Variants in CDON observed in about 807,000 individuals in gnomAD.
CDON encodes cell adhesion associated, oncogene regulated, also known as cell adhesion molecule-related/down-regulated by oncogenes.
Under a neutral mutation model 120.9 loss-of-function variants are expected in CDON, and 73 were observed. The observed-to-expected ratio is 0.60, with a 90% CI of 0.50 to 0.73. The LOEUF (loss-of-function observed/expected upper bound fraction) is 0.73. CDON is among the 30% of genes least tolerant of loss of function. The probability of loss-of-function intolerance (pLI) is 0.00; values close to 1 mark genes in which losing one functional copy is unlikely to be tolerated. For missense variants in CDON, 1,470 were observed against 1,587.3 expected, an observed-to-expected ratio of 0.93 and a Z score of 1.26; for synonymous variants, 566 against 573.5, an observed-to-expected ratio of 0.99 and a Z score of 0.19.
At chr11:125,976,461 A>G (rs1946150871) in intron 18 of CDON, among the ~76,000 whole-genome samples, 2 of 152,228 alleles carry the variant, frequency 1.3e-5, no homozygotes, top group Admixed American at 1.3e-4. Context: ...AAATTCCCAG[A>G]TAACAGTAAA....
intron 18 of CDON, among the ~76,000 whole-genome samples, chr11:125,971,195 A>G (rs1321226664): frequency 6.6e-6 from 1 of 152,126 alleles, no homozygotes; most frequent in African/African-American, 2.4e-5. Flanking sequence ...CATCCTGGCT[A>G]ACACAGTGAA....
chr11:125,995,097 T>C (rs747384405), intron 12 of CDON, 45 bp from the exon 13 acceptor site: 12 of 1,528,200 alleles, frequency 7.9e-6, no homozygotes, highest in African/African-American at 1.4e-5. Flanking sequence ...AACAAAAACA[T>C]AACTAAGAAA....
chr11:126,019,575 C>G (rs556114549), intron 4 of CDON, 44 bp downstream of exon 4: 1 of 1,608,160 alleles, frequency 6.2e-7, no homozygotes, highest in East Asian at 2.2e-5. Flanking sequence ...ATTTAATGAG[C>G]ATTTGTTCTG....
At chr11:125,967,585 T>C (rs1009698467) in intron 18 of CDON, among the ~76,000 whole-genome samples, 2 of 152,178 alleles carry the variant, frequency 1.3e-5, no homozygotes, top group African/African-American at 4.8e-5. Context: ...TAAAATACAC[T>C]AAGTGATCTT....
intron 9 of CDON, chr11:126,004,538 C>G (rs1246665425): frequency 1.8e-5 from 3 of 168,924 alleles, no homozygotes; most frequent in African/African-American, 7.2e-5. Context: ...TTCCAGCATT[C>G]TTGCTTCATG....
chr11:126,062,375 C>T (rs1159944741), intron 1 of CDON, among the ~76,000 whole-genome samples: 1 of 152,138 alleles, frequency 6.6e-6, no homozygotes, highest in African/African-American at 2.4e-5. Flanking sequence ...CTCCGAGCCC[C>T]CGAGGACGCG....
intron 18 of CDON, among the ~76,000 whole-genome samples, chr11:125,976,632 C>T (rs1946159131): frequency 7.0e-6 from 1 of 142,758 alleles, no homozygotes; most frequent in Admixed American, 7.1e-5. Flanking sequence ...CACACACACA[C>T]ACACACTACA....
At chr11:125,977,091 G>GCA (rs531703566) in intron 18 of CDON, among the ~76,000 whole-genome samples, 124 of 152,300 alleles carry the variant, frequency 8.1e-4, no homozygotes, top group Non-Finnish European at 1.1e-3. Flanking sequence ...CAGGTCTTTA[G>GCA]CACGTTGCCT....
At position 126,015,369 on chromosome 11, in the gene CDON, C is replaced by T. The variant is rs748937290; in HGVS notation, c.1070G>A (p.Arg357Gln). ...CAGTCCGTTTCCTGCAGTTAGATGT[C>T]GTGCAGAAGGATGAATAGGCTGTGC... ...HNAQPIHPSARHLTAGNGLKI... is the reference protein window; with the variant it reads ...HNAQPIHPSAQHLTAGNGLKI... The change falls in exon 7 of 20, where the codon CGA (arginine) becomes CAA (glutamine). Residue 357 changes from arginine to glutamine, a missense_variant. Transcript: ENST00000531738. The T allele has an allele frequency of 2.1e-5, 34 of 1,614,000 alleles. No individual in the cohort carries two copies. Among genetic ancestry groups the T allele is most frequent in the African/African-American group, 5.3e-5 (4 of 74,902 alleles).
In CDON at chr11:126,010,386, C is replaced by T. The variant is rs866758290; in HGVS notation, c.1507G>A (p.Ala503Thr). The change falls in exon 8 of 20, where the codon GCA (alanine) becomes ACA (threonine). Residue 503 changes from alanine to threonine, a missense_variant. Transcript: ENST00000531738. ...EHAGKYICEA[A>T]NEHGTTQAEA... is the part of the protein sequence containing the mutation. ...GCCTGTGTGGTACCATGTTCATTTG[C>T]AGCTTCGCAGATGTATTTCCCCGCA... 1 of 1,613,712 alleles carries T rather than the reference C, an allele frequency of 6.2e-7. No homozygotes were observed. Among genetic ancestry groups the T allele is most frequent in the East Asian group, 2.2e-5 (1 of 44,836 alleles).
In CDON at chr11:126,019,720, T is replaced by C; in HGVS notation, c.395A>G (p.Glu132Gly). The C allele has an allele frequency of 6.2e-7, 1 of 1,614,022 alleles. No individual in the cohort carries two copies. The highest frequency in any genetic ancestry group is 8.5e-7 in the Non-Finnish European group (1 of 1,179,904). Residue 132 changes from glutamate to glycine, a missense_variant, in exon 4 of 20, where the codon GAA becomes GGA. Physicochemically the swap from Glu to Gly is moderately conservative, Grantham distance 98 (BLOSUM62 -2). Transcript: ENST00000531738. Reference protein sequence around the residue: ...GSSTKHVITAEEKSAGFIGCR... With the variant: ...GSSTKHVITAGEKSAGFIGCR... ...GCCAATGAAACCAGCACTTTTTTCT[T>C]CTGCTGTAATAACATGCTTTGTGGA...
intron 10 of CDON, among the ~76,000 whole-genome samples, chr11:126,003,458 C>A (rs1205534948): frequency 6.6e-6 from 1 of 152,120 alleles, no homozygotes. Context: ...GTAAATGTGA[C>A]CCCAAAATGG....
chr11:126,018,964 A>AG (rs1457069509), intron 4 of CDON, among the ~76,000 whole-genome samples: 1 of 152,240 alleles, frequency 6.6e-6, no homozygotes, highest in African/African-American at 2.4e-5. Flanking sequence ...TAGAAAAAAA[A>AG]GTCTACAGAA....
chr11:126,021,278 C>G lies in CDON; in HGVS notation c.319G>C (p.Val107Leu). ...CLANNSIGAIVSGPATVSVAV... is the reference protein window; with the variant it reads ...CLANNSIGAILSGPATVSVAV... ...ACAGATACTGTCGCAGGGCCACTCA[C>G]AATGGCACCGATGCTATTGTTGGCA... is the stretch of plus-strand genomic sequence containing the variant. Residue 107 changes from valine (V) to leucine (L), a missense_variant, in exon 3 of 20, where the codon GTG (valine) becomes CTG (leucine). By Grantham distance (32) the Val-to-Leu change is conservative (BLOSUM62 1). Coordinates refer to ENST00000531738, the MANE Select transcript of CDON (RefSeq NM_001378964.1). The G allele has an allele frequency of 2.5e-6, 4 of 1,614,150 alleles. No homozygotes were observed. The highest frequency in any genetic ancestry group is 3.4e-6 in the Non-Finnish European group (4 of 1,180,000).
Position 126,044,690 on chromosome 11 carries a change from T to TA in CDON, c.-62+17888dup, listed in dbSNP as rs776810313. On this transcript the variant is annotated intron_variant, in intron 1 of 19. Transcript: ENST00000531738. ...TCATATGTGGGAGCTAAAAATTTTT[T>TA]AAAATTGAACTCAGGGAGACAGAGA... is the stretch of plus-strand genomic sequence containing the variant. Among the ~76,000 whole-genome samples, 76 of 152,240 alleles carry TA rather than the reference T, an allele frequency of 5.0e-4. 1 individual carries two copies. Among genetic ancestry groups the TA allele is most frequent in the Non-Finnish European group, 9.6e-4 (65 of 68,020 alleles).
At chr11:126,010,912 T>C (rs947105998) in intron 7 of CDON, 4 of 612,346 alleles carry the variant, frequency 6.5e-6, no homozygotes, top group Non-Finnish European at 1.2e-5. Flanking sequence ...TACGTAAATT[T>C]CCTGTCCTTC....
chr11:126,059,952 A>G (rs1042952445), intron 1 of CDON, among the ~76,000 whole-genome samples: 5 of 152,028 alleles, frequency 3.3e-5, no homozygotes, highest in Admixed American at 3.3e-4. Context: ...AAAACCAAGA[A>G]ACCAGTTTTT....
Position 125,962,149 on chromosome 11 carries a change from T to G in CDON, c.3357-151A>C, listed in dbSNP as rs550765977. On this transcript the variant is annotated intron_variant, in intron 18 of 19. Transcript: ENST00000531738. ...AACAACTAAATGATTCACTATGATT[T>G]GAAATACTGAGAATTTCAAAATGAT... 8 of 702,582 alleles carry G rather than the reference T, an allele frequency of 1.1e-5. No individual in the cohort carries two copies. In the African/African-American group the frequency reaches 1.2e-4, roughly 11 times the overall value. The allele number at this position is 702,582 out of a possible 1,614,324, so 43.5% of individuals were successfully genotyped here.
At chr11:125,961,675 G>A (rs1251276521) in intron 19 of CDON, 49 bp downstream of exon 19, 1 of 1,612,780 alleles carries the variant, frequency 6.2e-7, no homozygotes, top group Admixed American at 1.7e-5. Context: ...ACAGCTCTTA[G>A]CTAACTGAAG....
Sources: gnomAD v4.1 joint callset for allele counts (sites outside exome capture counted in the v4.1 genomes callset) on GRCh38, gnomAD v4.1.1 for gene constraint, MANE v1.5 for transcripts, NCBI Gene and HGNC (gene_info 2026-07-23, HGNC 2026-07-21) for gene names.